The following TENM1 variants were observed in gnomAD, a reference collection of about 807,000 sequenced individuals.
TENM1 encodes the protein teneurin-1.
Under a neutral mutation model 174.8 loss-of-function variants are expected in TENM1, and 35 were observed. That is an observed-to-expected ratio of 0.20 (90% CI 0.15 to 0.27). TENM1 has a LOEUF of 0.27. TENM1 is among the 10% of genes least tolerant of loss of function. The probability of loss-of-function intolerance (pLI) is 1.00; values close to 1 mark genes in which losing one functional copy is unlikely to be tolerated. For missense variants in TENM1, 1,633 were observed against 2,130.1 expected (o/e 0.77, Z 4.59); for synonymous variants, 781 against 798.7 (o/e 0.98, Z 0.37).
chrX:124,452,787 G>A (rs992403787), intron 23 of TENM1, among the ~76,000 whole-genome samples: 3 of 102,195 alleles, frequency 2.9e-5, no homozygotes, highest in Non-Finnish European at 5.9e-5. Flanking sequence ...AACATCGCAT[G>A]TTCTCACTCA....
chrX:125,076,693 T>G, the TENM1 span, among the ~76,000 whole-genome samples: 1 of 111,951 alleles, frequency 8.9e-6, no homozygotes, highest in Non-Finnish European at 1.9e-5. Context: ...ATATGTTTAC[T>G]AGACGCTCTC....
exon 21 of TENM1, chrX:124,487,211 A>G (rs760996768): frequency 8.6e-7 from 1 of 1,166,446 alleles, no homozygotes; most frequent in South Asian, 1.9e-5. Context: ...TTGCTTACCT[A>G]TGTCTGGTAT....
intron 3 of TENM1, among the ~76,000 whole-genome samples, chrX:124,891,614 G>C (rs918115896): frequency 1.9e-5 from 2 of 106,262 alleles, no homozygotes; most frequent in Non-Finnish European, 3.9e-5. Flanking sequence ...AGCCACGATC[G>C]CACCACTGCA....
At chrX:124,499,279 T>C (rs1183388001) in intron 19 of TENM1, among the ~76,000 whole-genome samples, 1 of 111,488 alleles carries the variant, frequency 9.0e-6, no homozygotes, top group African/African-American at 3.3e-5. Flanking sequence ...TATTGATCAC[T>C]CTGAGGTAGG....
rs1204322005 is a variant in TENM1 at position 124,847,060 on chromosome X, G to C, written c.535+47236C>G. On this transcript the variant is annotated intron_variant, in intron 3 of 31. Coordinates refer to ENST00000422452, the Ensembl canonical transcript of TENM1. ...GGAAATGTCAGTGAGAGTTTTAAGA[G>C]AAAAGAGTTCTCAATACAAATAAAT... Among the ~76,000 whole-genome samples, 3 of 111,573 alleles carry C rather than the reference G, an allele frequency of 2.7e-5. No homozygotes were observed. The South Asian group carries it at 1.1e-3, about 42-fold the overall frequency.
the TENM1 span, among the ~76,000 whole-genome samples, chrX:125,146,046 C>T: frequency 8.9e-6 from 1 of 111,820 alleles, no homozygotes; most frequent in South Asian, 3.7e-4. Flanking sequence ...TGTGATAAGA[C>T]TTTAGAGTCA....
chrX:124,474,775 A>G (rs2061369922), intron 22 of TENM1, among the ~76,000 whole-genome samples: 1 of 111,656 alleles, frequency 9.0e-6, no homozygotes, highest in Non-Finnish European at 1.9e-5. Context: ...GCATTAGATG[A>G]ACTGTGCATA....
the TENM1 span, among the ~76,000 whole-genome samples, chrX:125,115,613 A>T: frequency 9.0e-6 from 1 of 111,488 alleles, no homozygotes; most frequent in Admixed American, 9.5e-5. Context: ...CAGAGAGCCA[A>T]ATCTTGAGTG....
At position 124,550,130 on chromosome X, in the gene TENM1, C is replaced by T. The variant is rs187742553; in HGVS notation, c.2435-3040G>A. Among the ~76,000 whole-genome samples the T allele has an allele frequency of 3.6e-5, 4 of 111,454 alleles. No individual in the cohort carries two copies. In the East Asian group the frequency reaches 1.1e-3, roughly 31 times the overall value. ...ATTCATTGATCCTAGCTTTGCCAAC[C>T]AGTTTGGGACTTTGCCAGTTGGCTC... On this transcript the variant is annotated intron_variant, in intron 14 of 31. Coordinates refer to ENST00000422452, the Ensembl canonical transcript of TENM1.
At chrX:124,378,465 A>G (rs977453533) in exon 32 of TENM1, 5 of 112,327 alleles carry the variant, frequency 4.5e-5, no homozygotes, top group African/African-American at 1.6e-4. Flanking sequence ...GGAGGTATTC[A>G]AATTTTCAAC....
chrX:124,480,153 T>C (rs774987215), intron 22 of TENM1, among the ~76,000 whole-genome samples: 1 of 111,624 alleles, frequency 9.0e-6, no homozygotes, highest in East Asian at 2.8e-4. Flanking sequence ...TTCCATAATA[T>C]TAGATGTGAT....
chrX:125,021,372 G>T, the TENM1 span, among the ~76,000 whole-genome samples: 1 of 110,879 alleles, frequency 9.0e-6, no homozygotes, highest in African/African-American at 3.3e-5. Flanking sequence ...TTCTATGAAT[G>T]TGGACAATTA....
At chrX:124,671,101 T>C (rs1476975741) in intron 6 of TENM1, among the ~76,000 whole-genome samples, 1 of 110,999 alleles carries the variant, frequency 9.0e-6, no homozygotes, top group African/African-American at 3.3e-5. Context: ...TACTGTGACA[T>C]TTATTATAAA....
At chrX:124,910,660 A>G (rs1474109440) in intron 1 of TENM1, among the ~76,000 whole-genome samples, 1 of 111,621 alleles carries the variant, frequency 9.0e-6, no homozygotes, top group Non-Finnish European at 1.9e-5. Context: ...GGCACAATTT[A>G]AGGTAGATCT....
intron 11 of TENM1, among the ~76,000 whole-genome samples, chrX:124,629,283 C>T (rs891602412): frequency 8.9e-6 from 1 of 112,027 alleles, no homozygotes. Flanking sequence ...TCCAGTAAAA[C>T]ATATATCTGT....
chrX:124,532,978 A>T (rs959170595), intron 15 of TENM1, among the ~76,000 whole-genome samples: 2 of 112,251 alleles, frequency 1.8e-5, no homozygotes, highest in South Asian at 7.5e-4. Flanking sequence ...TCAGGACAGT[A>T]TTAAAGTATT....
the TENM1 span, among the ~76,000 whole-genome samples, chrX:125,113,915 T>C: frequency 6.3e-5 from 7 of 111,183 alleles, no homozygotes; most frequent in African/African-American, 2.0e-4. Flanking sequence ...GCAGACCTAA[T>C]AGACATCTAC....
intron 1 of TENM1, among the ~76,000 whole-genome samples, chrX:124,963,106 G>A (rs1264377672): frequency 1.8e-5 from 2 of 111,998 alleles, no homozygotes; most frequent in East Asian, 2.8e-4. Context: ...TCTACATTAC[G>A]GTGATAGACT....
chrX:124,555,642 G>A (rs979087988), intron 14 of TENM1, among the ~76,000 whole-genome samples: 2 of 111,702 alleles, frequency 1.8e-5, no homozygotes, highest in African/African-American at 6.5e-5. Context: ...TCAAATTTAC[G>A]ATGAAACTTG....
Sources: gnomAD v4.1 joint callset for allele counts (sites outside exome capture counted in the v4.1 genomes callset) on GRCh38, gnomAD v4.1.1 for gene constraint, MANE v1.5 for transcripts, NCBI Gene and HGNC (gene_info 2026-07-23, HGNC 2026-07-21) for gene names.